The following BTBD9 variants were observed in gnomAD, a reference collection of about 807,000 sequenced individuals.
BTBD9 encodes BTB/POZ domain-containing protein 9.
Under a neutral mutation model 64.3 loss-of-function variants are expected in BTBD9, and 49 were observed. The observed-to-expected ratio is 0.76, with a 90% CI of 0.61 to 0.97. The LOEUF (loss-of-function observed/expected upper bound fraction) is 0.97, where lower values mean the gene tolerates loss of function less well. BTBD9 is among the 50% of genes least tolerant of loss of function. The probability of loss-of-function intolerance (pLI) is 0.00; values close to 1 mark genes in which losing one functional copy is unlikely to be tolerated. For synonymous variants in BTBD9, 260 were observed against 274.7 expected (o/e 0.95, Z 0.53); for missense variants, 598 against 762.1 (o/e 0.78, Z 2.53).
At chr6:38,537,241 A>C (rs1401300237) in intron 6 of BTBD9, among the ~76,000 whole-genome samples, 19 of 152,338 alleles carry the variant, frequency 1.2e-4, no homozygotes, top group Non-Finnish European at 1.5e-5. Flanking sequence ...ACTCCAAAAA[A>C]CAGAGTTAAA....
At chr6:38,219,137 T>C (rs920005870) in intron 9 of BTBD9, among the ~76,000 whole-genome samples, 28 of 140,156 alleles carry the variant, frequency 2.0e-4, no homozygotes, top group East Asian at 6.1e-4. Context: ...TTCTTTTTTT[T>C]TTTTTTTTTT....
In BTBD9 at chr6:38,483,873, C is replaced by T. The variant is rs548720136; in HGVS notation, c.1154+93727G>A. ...TGACCGTTCTGCTCAAGTGCTCCTT[C>T]CCCAAACTCAACCACTGGCTAGCTT... On this transcript the variant is annotated intron_variant, in intron 6 of 10. Transcript: ENST00000481247. Among the ~76,000 whole-genome samples, 22 of 152,302 alleles carry T rather than the reference C, an allele frequency of 1.4e-4. No homozygotes were observed. In the South Asian group the frequency reaches 1.5e-3, roughly 10 times the overall value.
chr6:38,203,447 T>A (rs1762532188), intron 9 of BTBD9, among the ~76,000 whole-genome samples: 1 of 152,176 alleles, frequency 6.6e-6, no homozygotes, highest in Non-Finnish European at 1.5e-5. Context: ...ATATCTGCAC[T>A]CACATGTTAA....
intron 9 of BTBD9, among the ~76,000 whole-genome samples, chr6:38,219,833 A>T (rs1295070499): frequency 1.3e-5 from 2 of 152,194 alleles, no homozygotes; most frequent in Non-Finnish European, 2.9e-5. Context: ...TCAAACACTA[A>T]GGAGGGCATT....
chr6:38,546,814 G>A (rs920858044), intron 6 of BTBD9, among the ~76,000 whole-genome samples: 16 of 152,080 alleles, frequency 1.1e-4, no homozygotes, highest in African/African-American at 3.9e-4. Context: ...GATTACAGGT[G>A]CCCACCACCA....
At chr6:38,612,988 G>A (rs1012333514) in intron 1 of BTBD9, 2 of 152,190 alleles carry the variant, frequency 1.3e-5, no homozygotes, top group African/African-American at 4.8e-5. Flanking sequence ...CTTGCCACAT[G>A]TGGCTACCGA....
intron 6 of BTBD9, among the ~76,000 whole-genome samples, chr6:38,560,207 T>C (rs186738038): frequency 6.6e-6 from 1 of 152,136 alleles, no homozygotes; most frequent in East Asian, 1.9e-4. Context: ...ATACGGAACT[T>C]AATTCAACAA....
intron 6 of BTBD9, among the ~76,000 whole-genome samples, chr6:38,439,861 G>A (rs1463907521): frequency 2.0e-5 from 3 of 152,100 alleles, no homozygotes; most frequent in Admixed American, 6.5e-5. Flanking sequence ...TCCACGTTCT[G>A]GAAATATTCT....
At chr6:38,498,149 A>G (rs1772036966) in intron 6 of BTBD9, among the ~76,000 whole-genome samples, 2 of 152,350 alleles carry the variant, frequency 1.3e-5, no homozygotes, top group East Asian at 1.9e-4. Context: ...GATCATTTAC[A>G]AAAGTGGTTT....
chr6:38,470,603 T>C (rs1351376450), intron 6 of BTBD9, among the ~76,000 whole-genome samples: 2 of 152,218 alleles, frequency 1.3e-5, no homozygotes, highest in African/African-American at 4.8e-5. Flanking sequence ...TTTCAGAAAA[T>C]GCTTTAGCAT....
intron 6 of BTBD9, among the ~76,000 whole-genome samples, chr6:38,376,990 T>C (rs978558898): frequency 1.3e-5 from 2 of 152,206 alleles, no homozygotes; most frequent in Non-Finnish European, 2.9e-5. Context: ...AAGGCAGACA[T>C]AGGTTCCTTG....
intron 6 of BTBD9, among the ~76,000 whole-genome samples, chr6:38,476,305 C>T (rs12164032): frequency 0.078 from 11,893 of 152,222 alleles, 815 homozygotes; most frequent in East Asian, 0.32. Context: ...CTTCTCACAT[C>T]CTTGGAATAA....
At chr6:38,453,239 G>A (rs1769639601) in intron 6 of BTBD9, among the ~76,000 whole-genome samples, 1 of 152,142 alleles carries the variant, frequency 6.6e-6, no homozygotes, top group African/African-American at 2.4e-5. Context: ...AAAATGGAAA[G>A]CTCTCCCCGT....
rs546218746 is a variant in BTBD9 at position 38,222,510 on chromosome 6, T to C, written c.1563-29913A>G. On this transcript the variant is annotated intron_variant, in intron 9 of 10. Transcript: ENST00000481247. ...TCCTGACCTCGTGATCCGCCCGCCT[T>C]GGCCTCCCAAAGTGCTAGGATTACA... is the stretch of plus-strand genomic sequence containing the variant. Among the ~76,000 whole-genome samples the C allele has an allele frequency of 1.5e-4, 23 of 152,052 alleles. No homozygotes were observed. The South Asian group carries it at 1.7e-3, about 11-fold the overall frequency.
chr6:38,479,051 C>T (rs755913656), intron 6 of BTBD9, among the ~76,000 whole-genome samples: 1 of 152,128 alleles, frequency 6.6e-6, no homozygotes, highest in Non-Finnish European at 1.5e-5. Flanking sequence ...CAGGAGTTCT[C>T]CAAAAGCTCA....
chr6:38,278,685 G>A (rs1252524172), intron 8 of BTBD9, among the ~76,000 whole-genome samples: 1 of 152,196 alleles, frequency 6.6e-6, no homozygotes, highest in Non-Finnish European at 1.5e-5. Context: ...TAAAGCTCCA[G>A]AACCACTGTA....
At chr6:38,189,865 G>A (rs1761981024) in intron 10 of BTBD9, among the ~76,000 whole-genome samples, 2 of 151,866 alleles carry the variant, frequency 1.3e-5, no homozygotes, top group Admixed American at 1.3e-4. Context: ...GCACAGACGG[G>A]GTTTTACCAT....
intron 6 of BTBD9, among the ~76,000 whole-genome samples, chr6:38,488,830 T>C (rs1474794668): frequency 1.3e-5 from 2 of 152,066 alleles, no homozygotes; most frequent in African/African-American, 4.8e-5. Flanking sequence ...AAAAAGAGAA[T>C]AATTATTCAT....
At chr6:38,594,532 T>C (rs1246819288) in intron 2 of BTBD9, among the ~76,000 whole-genome samples, 2 of 152,220 alleles carry the variant, frequency 1.3e-5, no homozygotes, top group Non-Finnish European at 1.5e-5. Flanking sequence ...ATTAATTCTG[T>C]AAGCCACTGA....
Sources: gnomAD v4.1 joint callset for allele counts (sites outside exome capture counted in the v4.1 genomes callset) on GRCh38, gnomAD v4.1.1 for gene constraint, MANE v1.5 for transcripts, NCBI Gene and HGNC (gene_info 2026-07-23, HGNC 2026-07-21) for gene names.